Variants in MIPEP observed in about 807,000 individuals in gnomAD.
MIPEP encodes mitochondrial intermediate peptidase.
MIPEP carries 79 observed loss-of-function variants against 90.3 expected under a neutral mutation model. The observed-to-expected ratio is 0.87, with a 90% confidence interval of 0.73 to 1.05. MIPEP has a LOEUF of 1.05. Ranked by LOEUF, MIPEP falls within the 50% of genes least tolerant of loss-of-function variation. The probability of loss-of-function intolerance (pLI) is 0.00; values close to 1 mark genes in which losing one functional copy is unlikely to be tolerated. For missense variants in MIPEP, 940 were observed against 905.6 expected (o/e 1.04, Z -0.49); for synonymous variants, 334 against 315.8 (o/e 1.06, Z -0.61).
chr13:23,878,659 T>C (rs150574300), intron 4 of MIPEP, among the ~76,000 whole-genome samples: 33 of 152,340 alleles, frequency 2.2e-4, no homozygotes, highest in Admixed American at 8.5e-4. Context: ...AGAAATAAGA[T>C]ATCTAGGTTC....
In MIPEP at chr13:23,805,971, GC is replaced by G. The variant is rs751101220; in HGVS notation, c.1826del (p.Gly609AlafsTer86). ...TCACAGTATTTGGAACATATGGTAG[GC>G]CATAGAATTTCTCTTGTGTTTCCTT... ...ILKETQEKFY[G>X]LPYVPNTAWQ... On this transcript the variant is annotated frameshift_variant, in exon 16 of 19. Transcript: ENST00000382172. LOFTEE classifies it high-confidence loss of function. 1.0e-4 allele frequency: 169 copies of G among 1,613,838 alleles called. No individual in the cohort carries two copies. Among genetic ancestry groups the G allele is most frequent in the Non-Finnish European group, 1.4e-4 (162 of 1,179,902 alleles).
intron 3 of MIPEP, among the ~76,000 whole-genome samples, chr13:23,880,088 G>C (rs978179172): frequency 2.0e-5 from 3 of 152,128 alleles, no homozygotes; most frequent in African/African-American, 7.2e-5. Context: ...GGATAAGGTT[G>C]TAAGAACCAC....
At chr13:23,854,187 AAT>A (rs1491110011) in intron 10 of MIPEP, among the ~76,000 whole-genome samples, 3 of 80,342 alleles carry the variant, frequency 3.7e-5, no homozygotes, top group Non-Finnish European at 5.4e-5. Flanking sequence ...TAGCCAGGCT[AAT>A]TTTTTTTTTT....
rs774290873 is a variant in MIPEP, at chr13:23,841,495, G to C, written c.1107-7C>G. On this transcript the variant is annotated splice_region_variant and splice_polypyrimidine_tract_variant and intron_variant, in intron 10 of 18. Transcript: ENST00000382172. Reference sequence around the variant, plus strand: ...GCTGGGCTCAATATTATACCTAAGAGAAGGAAGAGAGGTTCAACAGCATCT... The same window carrying C: ...GCTGGGCTCAATATTATACCTAAGACAAGGAAGAGAGGTTCAACAGCATCT... 2 of 1,593,106 alleles carry C rather than the reference G, an allele frequency of 1.3e-6. No individual in the cohort carries two copies. The highest frequency in any genetic ancestry group is 2.3e-5 in the South Asian group (2 of 86,404).
intron 10 of MIPEP, among the ~76,000 whole-genome samples, chr13:23,850,628 A>C (rs2137480220): frequency 6.6e-6 from 1 of 152,360 alleles, no homozygotes; most frequent in Admixed American, 6.5e-5. Context: ...TTAGGAAAGT[A>C]AACCAGTAGG....
chr13:23,833,737 A>G (rs1868881815), intron 14 of MIPEP, among the ~76,000 whole-genome samples: 1 of 152,158 alleles, frequency 6.6e-6, no homozygotes, highest in Admixed American at 6.5e-5. Context: ...TTACTTTTAA[A>G]AAAATGACTA....
chr13:23,878,409 G>C (rs933661696), intron 4 of MIPEP, among the ~76,000 whole-genome samples: 1 of 152,102 alleles, frequency 6.6e-6, no homozygotes, highest in Non-Finnish European at 1.5e-5. Flanking sequence ...ACAGCAAACT[G>C]GATGATCAAT....
At chr13:23,841,225 G>A (rs1020288024) in intron 11 of MIPEP, 110 bp downstream of exon 11, 20 of 879,406 alleles carry the variant, frequency 2.3e-5, no homozygotes, top group Non-Finnish European at 1.2e-5. Flanking sequence ...ATAAGGCAGG[G>A]GACACACTCA....
rs140819410 is a variant in MIPEP, at chr13:23,788,539, T to C, written c.1848+17411A>G. Among the ~76,000 whole-genome samples the C allele has an allele frequency of 9.7e-3, 1,475 of 152,312 alleles. 13 individuals are homozygous for C. Among genetic ancestry groups the C allele is most frequent in the Middle Eastern group, 0.027 (8 of 294 alleles). ...ACAGCCTAGGAATGATACACATCACTTCTGCTCACATTTCTTTGGTCATAT... is the reference window on the plus strand; with the variant it reads ...ACAGCCTAGGAATGATACACATCACCTCTGCTCACATTTCTTTGGTCATAT... On this transcript the variant is annotated intron_variant, in intron 16 of 18. Transcript: ENST00000382172.
At chr13:23,862,620 A>AT (rs1870354960) in intron 8 of MIPEP, among the ~76,000 whole-genome samples, 1 of 152,206 alleles carries the variant, frequency 6.6e-6, no homozygotes, top group African/African-American at 2.4e-5. Context: ...GCTTGGAAAA[A>AT]CTAGCAATGT....
intron 14 of MIPEP, 48 bp downstream of exon 14, chr13:23,836,192 C>G (rs1441921180): frequency 8.1e-7 from 1 of 1,237,940 alleles, no homozygotes. Flanking sequence ...GTCATAAACG[C>G]CAACTATCAC....
At chr13:23,763,596 A>AT (rs3838826) in intron 16 of MIPEP, among the ~76,000 whole-genome samples, 54,226 of 152,000 alleles carry the variant, frequency 0.36, 9,927 homozygotes, top group South Asian at 0.47. Flanking sequence ...CCCTGGTTTC[A>AT]TCAGCTCATA....
intron 14 of MIPEP, among the ~76,000 whole-genome samples, chr13:23,829,730 C>T (rs1445106151): frequency 6.6e-6 from 1 of 152,048 alleles, no homozygotes; most frequent in Non-Finnish European, 1.5e-5. Flanking sequence ...CTGCTTGAAC[C>T]CAGGAGTTTG....
intron 18 of MIPEP, 122 bp downstream of exon 18, chr13:23,756,423 C>T (rs757685276): frequency 3.0e-6 from 3 of 1,015,764 alleles, no homozygotes; most frequent in South Asian, 1.3e-5. Context: ...TCCCAAAGTG[C>T]TGGGATTACA....
At chr13:23,766,585 T>C (rs1211518852) in intron 16 of MIPEP, among the ~76,000 whole-genome samples, 1 of 152,228 alleles carries the variant, frequency 6.6e-6, no homozygotes, top group East Asian at 1.9e-4. Context: ...TCTCTCTCTC[T>C]CACTCACTCT....
At chr13:23,768,996 A>G (rs982230157) in intron 16 of MIPEP, among the ~76,000 whole-genome samples, 12 of 152,224 alleles carry the variant, frequency 7.9e-5, no homozygotes, top group Non-Finnish European at 1.6e-4. Context: ...GGATCTAATT[A>G]AGACAAATGA....
chr13:23,862,804 G>A lies in MIPEP; in HGVS notation c.993-442C>T, dbSNP rs1870363886. On this transcript the variant is annotated intron_variant, in intron 8 of 18. Transcript: ENST00000382172. ...ACTCTAGCTGGTCAATAATTAAATA[G>A]GTATTTAATATTTGTAGAATATGAC... Among the ~76,000 whole-genome samples, 3 of 152,082 alleles carry A rather than the reference G, an allele frequency of 2.0e-5. No homozygotes were observed. The South Asian group carries it at 6.2e-4, about 32-fold the overall frequency.
At chr13:23,827,868 T>C (rs535205362) in intron 14 of MIPEP, among the ~76,000 whole-genome samples, 38 of 152,234 alleles carry the variant, frequency 2.5e-4, no homozygotes, top group Non-Finnish European at 2.9e-5. Flanking sequence ...GAGGTGGAAG[T>C]TGCAGTGAGC....
intron 14 of MIPEP, among the ~76,000 whole-genome samples, chr13:23,831,385 G>GCGGGAA (rs57512059): frequency 2.3e-5 from 3 of 132,464 alleles, no homozygotes; most frequent in African/African-American, 5.5e-5. Context: ...CCCCATGGCG[G>GCGGGAA]GGGGGGGATG....
Sources: allele counts gnomAD v4.1 joint callset (sites outside exome capture counted in the v4.1 genomes callset), GRCh38; gene constraint gnomAD v4.1.1; transcripts MANE v1.5; gene names NCBI Gene and HGNC (gene_info 2026-07-23, HGNC 2026-07-21).